The following KIF18A variants were observed in gnomAD, a reference collection of about 807,000 sequenced individuals.
KIF18A encodes the protein kinesin-like protein KIF18A.
KIF18A carries 67 observed loss-of-function variants against 103.3 expected under a neutral mutation model. The ratio of observed to expected loss-of-function variants is 0.65; its 90% CI spans 0.53 to 0.79. The LOEUF (loss-of-function observed/expected upper bound fraction) is 0.79, where lower values mean the gene tolerates loss of function less well. KIF18A is among the 30% of genes least tolerant of loss of function. The pLI, the probability that KIF18A is intolerant of heterozygous loss-of-function variation, is 0.00. For synonymous variants in KIF18A, 367 were observed against 355.5 expected, an observed-to-expected ratio of 1.03 and a Z score of -0.36; for missense variants, 1,032 against 1,062.5, an observed-to-expected ratio of 0.97 and a Z score of 0.40.
chr11:28,105,950 A>G (rs1851498624), intron 1 of KIF18A, among the ~76,000 whole-genome samples: 1 of 152,240 alleles, frequency 6.6e-6, no homozygotes, highest in Non-Finnish European at 1.5e-5. Context: ...TTTTACAAAA[A>G]CAAAGACTTA....
intron 13 of KIF18A, among the ~76,000 whole-genome samples, chr11:28,045,496 TTTTA>T (rs1046920705): frequency 2.0e-4 from 30 of 151,870 alleles, no homozygotes; most frequent in African/African-American, 6.3e-4. Context: ...TTAAATAATA[TTTTA>T]TTTAATTATA....
intron 13 of KIF18A, among the ~76,000 whole-genome samples, chr11:28,046,423 A>G (rs1850634616): frequency 6.7e-6 from 1 of 148,692 alleles, no homozygotes; most frequent in African/African-American, 2.5e-5. Context: ...GGAAATCATC[A>G]TTCTCAGTAA....
At position 28,076,938 on chromosome 11, in the gene KIF18A, A is replaced by AG. The variant is rs1851100648; in HGVS notation, c.1425+68_1425+69insC. The stretch of plus-strand genomic sequence containing the variant: ...AACAGAAGAAGAGACTCCTTCTGAA[A>AG]AAAAAAAAAAAAAAAAAGCCCCCAT... On this transcript the variant is annotated intron_variant, in intron 10 of 16. Transcript: ENST00000263181. 3 of 626,292 alleles carry AG rather than the reference A, an allele frequency of 4.8e-6. No homozygotes were observed. In the South Asian group the frequency reaches 8.4e-5, roughly 18 times the overall value. The allele number at this position is 626,292 out of a possible 1,614,324, so 38.8% of individuals were successfully genotyped here. A position where few individuals can be genotyped will look rare whatever the true frequency, so the allele number is the denominator to read the frequency against.
At chr11:28,101,176 T>C (rs1380257550) in intron 1 of KIF18A, among the ~76,000 whole-genome samples, 3 of 152,106 alleles carry the variant, frequency 2.0e-5, no homozygotes, top group Non-Finnish European at 4.4e-5. Context: ...ACTGCCCTAT[T>C]AGAGGATGTT....
At chr11:28,070,236 G>C (rs1411008357) in intron 10 of KIF18A, among the ~76,000 whole-genome samples, 2 of 152,140 alleles carry the variant, frequency 1.3e-5, no homozygotes, top group African/African-American at 2.4e-5. Flanking sequence ...GCAGAAACTA[G>C]ATTTGAATTT....
chr11:28,034,755 CA>C (rs1850460486), intron 15 of KIF18A, among the ~76,000 whole-genome samples: 1 of 151,682 alleles, frequency 6.6e-6, no homozygotes, highest in African/African-American at 2.4e-5. Flanking sequence ...CATAAATTGG[CA>C]AATGCTAAAT....
chr11:28,023,362 C>A (rs894091193), intron 16 of KIF18A, among the ~76,000 whole-genome samples: 1 of 152,000 alleles, frequency 6.6e-6, no homozygotes, highest in Admixed American at 6.6e-5. Flanking sequence ...CAAAATATTA[C>A]GCTAAGAGAA....
At chr11:28,097,353 T>C (rs754523989) in intron 2 of KIF18A, 40 of 351,754 alleles carry the variant, frequency 1.1e-4, no homozygotes, top group Non-Finnish European at 1.5e-4. Flanking sequence ...AAGCATGTGG[T>C]TTAATAACAT....
intron 3 of KIF18A, 74 bp downstream of exon 3, chr11:28,094,569 T>G (rs1358753220): frequency 1.6e-5 from 17 of 1,035,360 alleles, no homozygotes; most frequent in Non-Finnish European, 2.2e-5. Context: ...AAAACTCTTA[T>G]ATAATAAAAT....
At chr11:28,062,099 A>G (rs543181456) in intron 12 of KIF18A, among the ~76,000 whole-genome samples, 1 of 152,260 alleles carries the variant, frequency 6.6e-6, no homozygotes, top group East Asian at 1.9e-4. Flanking sequence ...TAGAAGATAG[A>G]GGTAGAAGGC....
intron 9 of KIF18A, among the ~76,000 whole-genome samples, chr11:28,080,430 A>C (rs1414577874): frequency 1.3e-5 from 2 of 151,266 alleles, no homozygotes; most frequent in Non-Finnish European, 2.9e-5. Flanking sequence ...TTTTTCCTAC[A>C]GCATGAGCAT....
chr11:28,098,854 A>C (rs550820662), intron 1 of KIF18A, among the ~76,000 whole-genome samples: 1 of 151,940 alleles, frequency 6.6e-6, no homozygotes, highest in South Asian at 2.1e-4. Context: ...AAACAAAAAA[A>C]CAAACAACAA....
intron 15 of KIF18A, among the ~76,000 whole-genome samples, chr11:28,032,999 G>A (rs1850430913): frequency 6.6e-6 from 1 of 151,612 alleles, no homozygotes; most frequent in Admixed American, 6.6e-5. Context: ...TACATAAGGA[G>A]CTCAAACAAC....
Position 28,021,147 on chromosome 11 carries a change from A to G in KIF18A, c.*53T>C. The G allele has an allele frequency of 4.9e-6, 7 of 1,422,878 alleles. No homozygotes were observed. Among genetic ancestry groups the G allele is most frequent in the Non-Finnish European group, 6.5e-6 (7 of 1,081,664 alleles). 88.1% of individuals were successfully genotyped at this position (1,422,878 alleles called of 1,614,324 possible). On this transcript the variant is annotated 3_prime_UTR_variant, in exon 17 of 17. Transcript: ENST00000263181. ...AATATATTTTTGAAAGGGTATTGAT[A>G]AACTTTGAAAAGCAGATTTGATCAA...
intron 4 of KIF18A, 109 bp from the exon 5 acceptor site, chr11:28,090,836 C>T: frequency 1.6e-6 from 1 of 631,064 alleles, no homozygotes; most frequent in South Asian, 2.0e-5. Flanking sequence ...AAAATGTTTT[C>T]TATAAATTCA....
chr11:28,073,322 T>C (rs16917704), intron 10 of KIF18A, among the ~76,000 whole-genome samples: 21,289 of 151,968 alleles, frequency 0.14, 1,659 homozygotes, highest in South Asian at 0.25. Flanking sequence ...GCAGAGCAAG[T>C]CACATTTGTT....
At chr11:28,024,784 G>T (rs755342044) in intron 15 of KIF18A, among the ~76,000 whole-genome samples, 1 of 151,800 alleles carries the variant, frequency 6.6e-6, no homozygotes, top group Non-Finnish European at 1.5e-5. Context: ...GGTGGAAAAA[G>T]AACATCCTTC....
chr11:28,059,260 T>A, intron 12 of KIF18A, 99 bp from the exon 13 acceptor site: 2 of 825,608 alleles, frequency 2.4e-6, no homozygotes, highest in Non-Finnish European at 3.9e-6. Flanking sequence ...AGCATATCAT[T>A]AAAATAATTT....
At chr11:28,072,637 C>A (rs552481189) in intron 10 of KIF18A, among the ~76,000 whole-genome samples, 3 of 151,968 alleles carry the variant, frequency 2.0e-5, no homozygotes, top group Non-Finnish European at 4.4e-5. Flanking sequence ...CACTGCTTAC[C>A]TAGTCTCATA....
Sources: gnomAD v4.1 joint callset for allele counts (sites outside exome capture counted in the v4.1 genomes callset) on GRCh38, gnomAD v4.1.1 for gene constraint, MANE v1.5 for transcripts, NCBI Gene and HGNC (gene_info 2026-07-23, HGNC 2026-07-21) for gene names.